The following C7orf78 variants were observed in gnomAD, a reference collection of about 807,000 sequenced individuals.
The protein encoded by C7orf78 is chromosome 7 open reading frame 78.
chr7:12,497,538 A>C, the C7orf78 span, among the ~76,000 whole-genome samples: 1 of 152,136 alleles, frequency 6.6e-6, no homozygotes, highest in East Asian at 1.9e-4. Context: ...GGCTTAAAAA[A>C]CGGTGCACCA....
the C7orf78 span, among the ~76,000 whole-genome samples, chr7:12,513,871 G>T: frequency 5.3e-5 from 8 of 152,048 alleles, no homozygotes; most frequent in Non-Finnish European, 1.0e-4. Context: ...GTGGTGGTGG[G>T]TGCCTGTAGT....
At chr7:12,534,332 C>T in the C7orf78 span, among the ~76,000 whole-genome samples, 1 of 152,160 alleles carries the variant, frequency 6.6e-6, no homozygotes, top group African/African-American at 2.4e-5. Flanking sequence ...ACTTCTATTT[C>T]ACATCGTGCA....
the C7orf78 span, among the ~76,000 whole-genome samples, chr7:12,497,186 G>GA: frequency 3.3e-5 from 5 of 152,132 alleles, no homozygotes; most frequent in East Asian, 5.8e-4. Flanking sequence ...AAACTGTAAA[G>GA]AAAAAAATCA....
the C7orf78 span, among the ~76,000 whole-genome samples, chr7:12,506,515 A>G: frequency 6.6e-6 from 1 of 152,188 alleles, no homozygotes; most frequent in Non-Finnish European, 1.5e-5. Context: ...GGTGTAAACC[A>G]TCATTCTCAG....
chr7:12,530,968 T>C, the C7orf78 span: 1 of 398,070 alleles, frequency 2.5e-6, no homozygotes, highest in Admixed American at 4.4e-5. Context: ...TTAAAGTTAA[T>C]ACATGTCTGC....
the C7orf78 span, among the ~76,000 whole-genome samples, chr7:12,517,744 A>G: frequency 1.3e-5 from 2 of 151,930 alleles, no homozygotes; most frequent in Non-Finnish European, 2.9e-5. Flanking sequence ...CTTTTTTATC[A>G]TATTTTTCTC....
the C7orf78 span, among the ~76,000 whole-genome samples, chr7:12,533,828 A>T: frequency 8.5e-5 from 13 of 152,070 alleles, no homozygotes; most frequent in Non-Finnish European, 1.3e-4. Flanking sequence ...CAGCCACCAA[A>T]AGTTTCTTAT....
the C7orf78 span, among the ~76,000 whole-genome samples, chr7:12,495,972 C>G: frequency 6.6e-6 from 1 of 151,982 alleles, no homozygotes; most frequent in Admixed American, 6.6e-5. Context: ...TTCGCCCAAG[C>G]CAGACTGCAG....
At chr7:12,499,382 A>C in the C7orf78 span, among the ~76,000 whole-genome samples, 2 of 151,848 alleles carry the variant, frequency 1.3e-5, no homozygotes, top group Non-Finnish European at 2.9e-5. Flanking sequence ...AGGATGGAGG[A>C]AGATCTACCA....
the C7orf78 span, among the ~76,000 whole-genome samples, chr7:12,526,575 A>G: frequency 3.9e-5 from 6 of 152,158 alleles, no homozygotes; most frequent in Non-Finnish European, 2.9e-5. Flanking sequence ...CTCTTTTTCA[A>G]AATAACGAGC....
the C7orf78 span, among the ~76,000 whole-genome samples, chr7:12,522,442 C>T: frequency 2.0e-5 from 3 of 152,224 alleles, no homozygotes; most frequent in East Asian, 1.9e-4. Flanking sequence ...ACAATGTACT[C>T]ATGATGGTTT....
chr7:12,490,716 TAA>T, the C7orf78 span, among the ~76,000 whole-genome samples: 1 of 151,336 alleles, frequency 6.6e-6, no homozygotes, highest in Non-Finnish European at 1.5e-5. Context: ...TAGGAAAAAA[TAA>T]AAGACAAAAA....
the C7orf78 span, among the ~76,000 whole-genome samples, chr7:12,497,445 A>T: frequency 6.8e-6 from 1 of 146,240 alleles, no homozygotes. Flanking sequence ...TCCCTTTCCT[A>T]ATCAAAGAAA....
the C7orf78 span, among the ~76,000 whole-genome samples, chr7:12,515,241 GT>G: frequency 3.3e-5 from 5 of 152,266 alleles, no homozygotes; most frequent in South Asian, 1.0e-3. Context: ...CACAGAGGCA[GT>G]TTCCCCCATA....
the C7orf78 span, chr7:12,540,928 T>G: frequency 0.66 from 100,747 of 152,000 alleles, 33,505 homozygotes; most frequent in Middle Eastern, 0.78. Context: ...AGATAGCTGA[T>G]GGACCAAAAC....
chr7:12,506,475 G>A, the C7orf78 span, among the ~76,000 whole-genome samples: 1 of 152,172 alleles, frequency 6.6e-6, no homozygotes, highest in Non-Finnish European at 1.5e-5. Flanking sequence ...AAAATGATGA[G>A]TTCGTGTCCT....
At chr7:12,530,292 T>G in the C7orf78 span, 2 of 152,256 alleles carry the variant, frequency 1.3e-5, no homozygotes, top group South Asian at 2.1e-4. Context: ...TTAAAAGATA[T>G]GAGACTGTCT....
At chr7:12,531,572 T>G in the C7orf78 span, among the ~76,000 whole-genome samples, 18 of 152,320 alleles carry the variant, frequency 1.2e-4, no homozygotes, top group East Asian at 2.5e-3. Context: ...GTCCCTCATA[T>G]CTTCTTGATT....
chr7:12,506,687 T>G, the C7orf78 span: 5 of 225,536 alleles, frequency 2.2e-5, no homozygotes, highest in Non-Finnish European at 3.5e-5. Context: ...AAATACCTAA[T>G]GTAAATGTCG....
Sources: allele counts gnomAD v4.1 joint callset (sites outside exome capture counted in the v4.1 genomes callset), GRCh38; gene constraint gnomAD v4.1.1; transcripts MANE v1.5; gene names NCBI Gene and HGNC (gene_info 2026-07-23, HGNC 2026-07-21).